The following RNF130 variants were observed in gnomAD, a reference collection of about 807,000 sequenced individuals.
RNF130 encodes E3 ubiquitin-protein ligase RNF130.
RNF130 carries 21 observed loss-of-function variants against 44.6 expected under a neutral mutation model. The ratio of observed to expected loss-of-function variants is 0.47; its 90% confidence interval spans 0.33 to 0.68. The LOEUF (loss-of-function observed/expected upper bound fraction) is 0.68, where lower values mean the gene tolerates loss of function less well. RNF130 is among the 30% of genes least tolerant of loss of function. RNF130 has a pLI of 0.02. For missense variants in RNF130, 479 were observed against 560.6 expected, an observed-to-expected ratio of 0.85 and a Z score of 1.47; for synonymous variants, 214 against 210.4, an observed-to-expected ratio of 1.02 and a Z score of -0.15.
chr5:180,066,928 G>A (rs1161728661), intron 1 of RNF130, among the ~76,000 whole-genome samples: 1 of 152,204 alleles, frequency 6.6e-6, no homozygotes, highest in Non-Finnish European at 1.5e-5. Context: ...GGGAGACTGA[G>A]GCAGGAGGAT....
intron 3 of RNF130, among the ~76,000 whole-genome samples, chr5:179,997,765 C>T (rs73348273): frequency 0.15 from 22,964 of 152,008 alleles, 1,923 homozygotes; most frequent in Admixed American, 0.19. Flanking sequence ...CCATGCCTGG[C>T]CCTTTAGTCT....
exon 8 of RNF130, chr5:179,915,289 A>C (rs27474): frequency 0.43 from 66,056 of 151,956 alleles, 15,348 homozygotes; most frequent in East Asian, 0.76. Flanking sequence ...AGACGGCGCT[A>C]CTGCACTCCA....
chr5:179,978,223 G>C lies in RNF130; in HGVS notation c.828C>G (p.Val276=), dbSNP rs540538164. 1.3e-5 allele frequency: 21 copies of C among 1,613,542 alleles called. No homozygotes were observed. Among genetic ancestry groups the C allele is most frequent in the Non-Finnish European group, 1.8e-5 (21 of 1,179,566 alleles). Residue 276 remains valine, a synonymous_variant, in exon 5 of 9, where the codon GTC becomes GTG. Transcript: ENST00000521389. Reference sequence around the variant, plus strand: ...CATACTTGCAGGGGAGAATTCGGACGACATCATTCTGCTTATAGCTCTCTA... The same window carrying C: ...CATACTTGCAGGGGAGAATTCGGACCACATCATTCTGCTTATAGCTCTCTA... ...VCIESYKQND[V]VRILPCKHVF...
At chr5:179,923,477 C>T (rs1283086988) in intron 7 of RNF130, among the ~76,000 whole-genome samples, 2 of 152,212 alleles carry the variant, frequency 1.3e-5, no homozygotes, top group South Asian at 2.1e-4. Flanking sequence ...AAAGGTTTCT[C>T]CATACACAGT....
chr5:179,965,865 G>A (rs1444122576), intron 7 of RNF130, among the ~76,000 whole-genome samples: 2 of 152,164 alleles, frequency 1.3e-5, no homozygotes, highest in East Asian at 1.9e-4. Flanking sequence ...CAGACCACAC[G>A]AGTCTTAACA....
At chr5:179,993,013 T>C (rs857187) in intron 3 of RNF130, among the ~76,000 whole-genome samples, 19,280 of 152,236 alleles carry the variant, frequency 0.13, 1,401 homozygotes, top group East Asian at 0.27. Context: ...CTGAGAATGA[T>C]GGTTTCCAGC....
intron 7 of RNF130, among the ~76,000 whole-genome samples, chr5:179,942,557 G>A (rs1761980322): frequency 1.3e-5 from 2 of 152,166 alleles, no homozygotes; most frequent in Non-Finnish European, 1.5e-5. Flanking sequence ...GCAACCTTGA[G>A]TAAGAAAGAA....
intron 7 of RNF130, among the ~76,000 whole-genome samples, chr5:179,936,067 G>A (rs1163140938): frequency 6.6e-6 from 1 of 152,048 alleles, no homozygotes; most frequent in Admixed American, 6.6e-5. Flanking sequence ...TCTTCCTTCT[G>A]CCTGAAAAAC....
In RNF130 at chr5:180,010,063, C is replaced by T. The variant is rs372440135; in HGVS notation, c.693+2998G>A. 1.6e-4 allele frequency among the ~76,000 whole-genome samples: 24 copies of T among 151,834 alleles called. No individual in the cohort carries two copies. In the East Asian group the frequency reaches 2.0e-3, roughly 12 times the overall value. The stretch of plus-strand genomic sequence containing the variant: ...GAGATCGAGACCATCCTGGCTAACA[C>T]GGTGAAACCCCATCTCTACTAAAAA... On this transcript the variant is annotated intron_variant, in intron 3 of 8. Transcript: ENST00000521389.
chr5:179,997,284 G>C (rs1414093473), intron 3 of RNF130, among the ~76,000 whole-genome samples: 2 of 151,770 alleles, frequency 1.3e-5, no homozygotes, highest in Non-Finnish European at 2.9e-5. Context: ...TGGGATTACA[G>C]GTGCACACCA....
intron 7 of RNF130, among the ~76,000 whole-genome samples, chr5:179,948,445 G>T (rs1203202918): frequency 1.3e-5 from 2 of 152,104 alleles, no homozygotes; most frequent in African/African-American, 4.8e-5. Context: ...TGAGGCGAGC[G>T]GATCACCTGA....
At chr5:179,938,570 T>C (rs890456062) in intron 7 of RNF130, among the ~76,000 whole-genome samples, 2 of 152,214 alleles carry the variant, frequency 1.3e-5, no homozygotes, top group Admixed American at 6.5e-5. Context: ...AAACACATTC[T>C]CATTTCTCTT....
exon 8 of RNF130, chr5:179,916,669 C>T (rs1484374959): frequency 6.6e-6 from 1 of 152,366 alleles, no homozygotes; most frequent in East Asian, 1.9e-4. Context: ...GCTGGGGCCT[C>T]TCTGCAAAAG....
intron 2 of RNF130, among the ~76,000 whole-genome samples, chr5:180,018,812 C>T (rs1763802266): frequency 6.6e-6 from 1 of 152,110 alleles, no homozygotes; most frequent in Non-Finnish European, 1.5e-5. Flanking sequence ...AGTGAGTCTA[C>T]CCAGCTGGGA....
At chr5:180,064,999 C>T (rs574674933) in intron 1 of RNF130, among the ~76,000 whole-genome samples, 1 of 152,280 alleles carries the variant, frequency 6.6e-6, no homozygotes. Flanking sequence ...ACCAAGTTGT[C>T]TTGGTCCTAG....
In RNF130 at chr5:179,923,339, T is replaced by A. The variant is rs11747468; in HGVS notation, c.1151-2913A>T. ...ACTGTCTTGGCACCTTTATGGAAAATCTATTGATTGTAAATGTGTGGGTCT... is the reference window on the plus strand; with the variant it reads ...ACTGTCTTGGCACCTTTATGGAAAAACTATTGATTGTAAATGTGTGGGTCT... On this transcript the variant is annotated intron_variant, in intron 7 of 7. Coordinates refer to the RNF130 transcript ENST00000522208. Among the ~76,000 whole-genome samples the A allele has an allele frequency of 4.4e-3, 668 of 152,266 alleles. 2 individuals are homozygous for A. The highest frequency in any genetic ancestry group is 6.5e-3 in the Non-Finnish European group (439 of 68,026).
chr5:179,973,830 A>G (rs1431973363), intron 5 of RNF130, among the ~76,000 whole-genome samples: 1 of 152,104 alleles, frequency 6.6e-6, no homozygotes, highest in East Asian at 1.9e-4. Context: ...GAAAGCAGGT[A>G]ACGTGGACAG....
chr5:180,060,116 C>G (rs1169640681), intron 1 of RNF130, among the ~76,000 whole-genome samples: 1 of 152,124 alleles, frequency 6.6e-6, no homozygotes, highest in East Asian at 1.9e-4. Context: ...CTGAAAAAGG[C>G]AAGGAAATGA....
intron 4 of RNF130, among the ~76,000 whole-genome samples, chr5:179,979,458 G>A (rs1186814574): frequency 1.3e-5 from 2 of 151,998 alleles, no homozygotes; most frequent in African/African-American, 4.8e-5. Flanking sequence ...TTAAATATTA[G>A]AATTGGGTGT....
Sources: allele counts gnomAD v4.1 joint callset (sites outside exome capture counted in the v4.1 genomes callset), GRCh38; gene constraint gnomAD v4.1.1; transcripts MANE v1.5; gene names NCBI Gene and HGNC (gene_info 2026-07-23, HGNC 2026-07-21).